KCNN2: variants seen among roughly 807,000 people sequenced by gnomAD.
KCNN2 encodes potassium calcium-activated channel subfamily N member 2, also known as small conductance calcium-activated potassium channel protein 2.
Under a neutral mutation model 55.5 loss-of-function variants are expected in KCNN2, and 24 were observed. The ratio of observed to expected loss-of-function variants is 0.43; its 90% CI spans 0.31 to 0.61. The LOEUF (loss-of-function observed/expected upper bound fraction) is 0.61, where lower values mean the gene tolerates loss of function less well. Among genes scored for constraint, KCNN2 ranks in the 20% least tolerant of loss-of-function variants. The probability of loss-of-function intolerance (pLI) is 0.08; values close to 1 mark genes in which losing one functional copy is unlikely to be tolerated. For synonymous variants in KCNN2, 431 were observed against 336.1 expected, an observed-to-expected ratio of 1.28 and a Z score of -3.09; for missense variants, 754 against 853.6, an observed-to-expected ratio of 0.88 and a Z score of 1.45.
intron 1 of KCNN2, among the ~76,000 whole-genome samples, chr5:114,160,753 A>G (rs1752756162): frequency 6.6e-6 from 1 of 152,148 alleles, no homozygotes; most frequent in African/African-American, 2.4e-5. Flanking sequence ...CTTTACCATT[A>G]TGTAATGGCC....
At chr5:114,232,925 G>GCTTTTTTTTTTTTTT in intron 2 of KCNN2, among the ~76,000 whole-genome samples, 1 of 76,282 alleles carries the variant, frequency 1.3e-5, no homozygotes, top group East Asian at 5.8e-4. Flanking sequence ...ATTGTTTCTT[G>GCTTTTTTTTTTTTTT]TTTTTTTTTT....
At chr5:114,278,136 T>A (rs1318449786) in intron 2 of KCNN2, among the ~76,000 whole-genome samples, 1 of 152,190 alleles carries the variant, frequency 6.6e-6, no homozygotes, top group Non-Finnish European at 1.5e-5. Context: ...TTGCTGCAGG[T>A]CCACTCCAGA....
At chr5:114,164,325 C>G (rs1287372766) in intron 1 of KCNN2, among the ~76,000 whole-genome samples, 1 of 152,092 alleles carries the variant, frequency 6.6e-6, no homozygotes, top group African/African-American at 2.4e-5. Context: ...TATCCTTTAA[C>G]TGACCTAGGT....
chr5:114,307,678 A>G (rs1176305846), intron 2 of KCNN2, among the ~76,000 whole-genome samples: 1 of 152,202 alleles, frequency 6.6e-6, no homozygotes, highest in Non-Finnish European at 1.5e-5. Flanking sequence ...CTTTCTGGAA[A>G]TAGTCAGGGG....
chr5:114,476,074 A>T (rs1050415556), intron 5 of KCNN2, among the ~76,000 whole-genome samples: 15 of 151,826 alleles, frequency 9.9e-5, no homozygotes, highest in Non-Finnish European at 1.0e-4. Context: ...TTTAGGGTAC[A>T]TGTGCACATT....
chr5:114,239,310 A>C (rs956965158), intron 2 of KCNN2, among the ~76,000 whole-genome samples: 16 of 152,236 alleles, frequency 1.1e-4, no homozygotes, highest in African/African-American at 3.6e-4. Context: ...AAGCCACCAA[A>C]GACTTTGAGA....
At chr5:114,486,352 C>G (rs961884677) in intron 5 of KCNN2, among the ~76,000 whole-genome samples, 8 of 152,154 alleles carry the variant, frequency 5.3e-5, no homozygotes, top group African/African-American at 1.7e-4. Context: ...TGAAGACTTT[C>G]ATCAAGAAAG....
At chr5:114,217,836 T>C (rs1251599670) in intron 1 of KCNN2, among the ~76,000 whole-genome samples, 1 of 152,198 alleles carries the variant, frequency 6.6e-6, no homozygotes, top group East Asian at 1.9e-4. Context: ...GGAAAAAACA[T>C]TTTTAAAAGA....
chr5:114,292,224 C>T (rs533251183), intron 2 of KCNN2, among the ~76,000 whole-genome samples: 7 of 152,278 alleles, frequency 4.6e-5, no homozygotes, highest in South Asian at 4.1e-4. Context: ...TTTTGGCTTT[C>T]GTTGCCTTTG....
intron 1 of KCNN2, among the ~76,000 whole-genome samples, chr5:114,193,383 G>C (rs1561517044): frequency 6.6e-6 from 1 of 152,110 alleles, no homozygotes; most frequent in Non-Finnish European, 1.5e-5. Context: ...GAAACACTCA[G>C]TGCCTGTGCT....
At position 114,495,986 on chromosome 5, in the gene KCNN2, A is replaced by C; in HGVS notation, c.2180A>C (p.Glu727Ala). The C allele has an allele frequency of 6.2e-7, 1 of 1,614,112 alleles. No homozygotes were observed. The change falls in exon 8 of 8, where the codon GAG becomes GCG. Residue 727 changes from glutamate (E) to alanine (A), a missense_variant. Coordinates refer to ENST00000673685, the MANE Select transcript of KCNN2 (RefSeq NM_021614.4). The part of the protein sequence containing the change: ...KRIVTLETKL[E>A]TLIGSIHALP... ...ATTGTTACCCTGGAAACAAAACTAG[A>C]GACTTTGATTGGTAGCATCCACGCC... is the stretch of plus-strand genomic sequence containing the variant.
At chr5:114,452,707 T>G (rs985447288) in intron 3 of KCNN2, among the ~76,000 whole-genome samples, 3 of 152,166 alleles carry the variant, frequency 2.0e-5, no homozygotes, top group African/African-American at 7.2e-5. Flanking sequence ...ACAGGATTCC[T>G]TTTAACACTT....
At chr5:114,066,615 C>T (rs1750457002) in intron 1 of KCNN2, among the ~76,000 whole-genome samples, 1 of 152,152 alleles carries the variant, frequency 6.6e-6, no homozygotes, top group Non-Finnish European at 1.5e-5. Flanking sequence ...CGCTCTGTCT[C>T]TGTTGCCAGG....
intron 2 of KCNN2, among the ~76,000 whole-genome samples, chr5:114,318,968 A>G (rs1756558615): frequency 7.0e-6 from 1 of 143,706 alleles, no homozygotes; most frequent in African/African-American, 2.5e-5. Flanking sequence ...GCTCAAAGAT[A>G]CTGAGTGAGA....
intron 1 of KCNN2, among the ~76,000 whole-genome samples, chr5:114,088,718 A>G (rs530100998): frequency 6.6e-6 from 1 of 152,036 alleles, no homozygotes; most frequent in East Asian, 1.9e-4. Context: ...CTCCTGGGTT[A>G]AGAGGATTCT....
At chr5:114,101,428 T>C (rs1054376827) in intron 1 of KCNN2, among the ~76,000 whole-genome samples, 1 of 148,328 alleles carries the variant, frequency 6.7e-6, no homozygotes, top group African/African-American at 2.5e-5. Flanking sequence ...TTTTTTTTTT[T>C]CTTTTTTTAA....
At chr5:114,381,982 C>T (rs551778930) in intron 2 of KCNN2, among the ~76,000 whole-genome samples, 24 of 152,220 alleles carry the variant, frequency 1.6e-4, no homozygotes, top group African/African-American at 5.3e-4. Context: ...CTTTTTTAAC[C>T]TGGAATAATA....
chr5:114,403,500 T>C (rs907726596), intron 2 of KCNN2, among the ~76,000 whole-genome samples: 3 of 152,148 alleles, frequency 2.0e-5, no homozygotes, highest in Non-Finnish European at 2.9e-5. Flanking sequence ...GAAGCATGGC[T>C]GGCATCCCTG....
chr5:114,427,999 T>C (rs1388437295), intron 3 of KCNN2, among the ~76,000 whole-genome samples: 3 of 152,200 alleles, frequency 2.0e-5, no homozygotes, highest in African/African-American at 7.2e-5. Flanking sequence ...GCGTTATATG[T>C]ATGAGAAGGT....
Sources: allele counts gnomAD v4.1 joint callset (sites outside exome capture counted in the v4.1 genomes callset), GRCh38; gene constraint gnomAD v4.1.1; transcripts MANE v1.5; gene names NCBI Gene and HGNC (gene_info 2026-07-23, HGNC 2026-07-21).